LRRC49: variants seen among roughly 807,000 people sequenced by gnomAD.
The protein encoded by LRRC49 is leucine-rich repeat-containing protein 49.
Under a neutral mutation model 83.3 loss-of-function variants are expected in LRRC49, and 50 were observed. The ratio of observed to expected loss-of-function variants is 0.60; its 90% CI spans 0.48 to 0.76. The LOEUF (loss-of-function observed/expected upper bound fraction) is 0.76. LRRC49 is among the 30% of genes least tolerant of loss of function. The pLI is 0.00. For synonymous variants in LRRC49, 286 were observed against 283.3 expected, an observed-to-expected ratio of 1.01 and a Z score of -0.10; for missense variants, 704 against 809.1, an observed-to-expected ratio of 0.87 and a Z score of 1.58.
intron 7 of LRRC49, 35 bp downstream of exon 7, chr15:70,919,228 G>T: frequency 2.0e-6 from 3 of 1,532,594 alleles, no homozygotes; most frequent in Non-Finnish European, 2.6e-6. Flanking sequence ...TGTACTTTGT[G>T]GCTTTCTTTC....
chr15:70,956,199 G>A (rs551775684), intron 8 of LRRC49, among the ~76,000 whole-genome samples: 1 of 152,214 alleles, frequency 6.6e-6, no homozygotes, highest in South Asian at 2.1e-4. Context: ...ATGCATATAT[G>A]GGAATTTTAT....
chr15:70,986,452 T>A (rs2037621946), intron 11 of LRRC49, among the ~76,000 whole-genome samples: 1 of 152,132 alleles, frequency 6.6e-6, no homozygotes, highest in Non-Finnish European at 1.5e-5. Context: ...TATTGGTGTA[T>A]AAGAATGCTT....
upstream of LRRC49, chr15:70,892,438 C>T: frequency 9.8e-6 from 15 of 1,535,756 alleles, no homozygotes; most frequent in Non-Finnish European, 1.2e-5. Context: ...CGATCTGGGG[C>T]CCCCAATGGG....
intron 11 of LRRC49, among the ~76,000 whole-genome samples, chr15:70,989,828 T>G (rs1298427375): frequency 6.6e-6 from 1 of 152,150 alleles, no homozygotes; most frequent in Non-Finnish European, 1.5e-5. Context: ...GTCCTTTCTG[T>G]TTGTTAGTTT....
intron 14 of LRRC49, among the ~76,000 whole-genome samples, chr15:71,035,952 C>T (rs771170123): frequency 2.0e-5 from 3 of 152,162 alleles, no homozygotes; most frequent in Non-Finnish European, 2.9e-5. Flanking sequence ...AATTTACACT[C>T]CCACCAACAG....
At chr15:70,938,166 C>T (rs564834456) in intron 8 of LRRC49, among the ~76,000 whole-genome samples, 1 of 152,008 alleles carries the variant, frequency 6.6e-6, no homozygotes, top group South Asian at 2.1e-4. Flanking sequence ...TTATGATGTT[C>T]CCAGGTCCCC....
At chr15:70,918,891 T>A in intron 6 of LRRC49, 159 bp from the exon 7 acceptor site, 1 of 547,680 alleles carries the variant, frequency 1.8e-6, no homozygotes, top group Non-Finnish European at 3.2e-6. Context: ...GACTTCATGT[T>A]ATCTACAGCA....
chr15:71,031,087 G>T (rs2039338110), intron 14 of LRRC49, among the ~76,000 whole-genome samples: 1 of 152,044 alleles, frequency 6.6e-6, no homozygotes, highest in African/African-American at 2.4e-5. Flanking sequence ...GGGCATTCTG[G>T]TTTTGGGAAT....
intron 8 of LRRC49, among the ~76,000 whole-genome samples, chr15:70,952,471 A>G (rs955081670): frequency 6.6e-6 from 1 of 151,788 alleles, no homozygotes; most frequent in Admixed American, 6.6e-5. Flanking sequence ...ATTGATTGCT[A>G]TTTTTATTGT....
At position 70,980,244 on chromosome 15, in the gene LRRC49, C is replaced by T. The variant is rs570008597; in HGVS notation, c.1005+60C>T. ...ACACGTAGACACACATACCCCAAAGCCAGCTAGCTAGTCTACTGGAAAAGT... is the reference window on the plus strand; with the variant it reads ...ACACGTAGACACACATACCCCAAAGTCAGCTAGCTAGTCTACTGGAAAAGT... On this transcript the variant is annotated intron_variant, in intron 10 of 15. Coordinates refer to ENST00000260382, the MANE Select transcript of LRRC49 (RefSeq NM_017691.5). The T allele has an allele frequency of 4.3e-4, 523 of 1,207,338 alleles. No homozygotes were observed. Among genetic ancestry groups the T allele is most frequent in the African/African-American group, 2.7e-3 (174 of 65,252 alleles). The allele number at this position is 1,207,338 out of a possible 1,614,324, so 74.8% of individuals were successfully genotyped here.
At chr15:70,907,417 A>C (rs2034359298) in intron 5 of LRRC49, 1 of 152,382 alleles carries the variant, frequency 6.6e-6, no homozygotes, top group African/African-American at 2.4e-5. Context: ...GATACTAAAG[A>C]ACTCCCGACC....
chr15:70,972,767 T>C (rs932888754), intron 9 of LRRC49, among the ~76,000 whole-genome samples: 2 of 152,088 alleles, frequency 1.3e-5, no homozygotes, highest in Admixed American at 6.6e-5. Context: ...TTCCTCTGCT[T>C]GATCGATTTA....
intron 8 of LRRC49, among the ~76,000 whole-genome samples, chr15:70,942,205 AT>A (rs2035847073): frequency 6.6e-6 from 1 of 152,118 alleles, no homozygotes; most frequent in African/African-American, 2.4e-5. Flanking sequence ...GCTGATAGCT[AT>A]TCATAGCAGT....
At chr15:70,872,036 A>C (rs1448726179) in intron 1 of LRRC49, among the ~76,000 whole-genome samples, 1 of 152,208 alleles carries the variant, frequency 6.6e-6, no homozygotes, top group Non-Finnish European at 1.5e-5. Flanking sequence ...TTGGGAGGCC[A>C]AGGCAGGCGG....
At chr15:70,985,345 CAT>C (rs1487883156) in intron 11 of LRRC49, among the ~76,000 whole-genome samples, 1 of 151,822 alleles carries the variant, frequency 6.6e-6, no homozygotes, top group Non-Finnish European at 1.5e-5. Flanking sequence ...GATGGTATCT[CAT>C]TGTGGTTTTG....
chr15:70,853,842 C>G, intron 1 of LRRC49: 1 of 1,207,710 alleles, frequency 8.3e-7, no homozygotes. Context: ...CGCGCGCGGC[C>G]CGGCGCCCCC....
chr15:70,893,997 C>T (rs1264576494), intron 2 of LRRC49, among the ~76,000 whole-genome samples: 5 of 151,942 alleles, frequency 3.3e-5, no homozygotes. Flanking sequence ...CAGGCTCAAG[C>T]GATCCTCCCA....
chr15:70,936,167 AG>A (rs781379338), intron 7 of LRRC49, among the ~76,000 whole-genome samples: 9 of 152,114 alleles, frequency 5.9e-5, no homozygotes, highest in Admixed American at 4.6e-4. Context: ...TCCTATTTTA[AG>A]AACCTCTGAT....
chr15:70,923,039 A>G (rs1441252), intron 7 of LRRC49, among the ~76,000 whole-genome samples: 76,189 of 151,788 alleles, frequency 0.5, 20,792 homozygotes, highest in Admixed American at 0.68. Context: ...ATTTCCCTCT[A>G]AAAATCACTT....
Sources: allele counts gnomAD v4.1 joint callset (sites outside exome capture counted in the v4.1 genomes callset), GRCh38; gene constraint gnomAD v4.1.1; transcripts MANE v1.5; gene names NCBI Gene and HGNC (gene_info 2026-07-23, HGNC 2026-07-21).